The following HNRNPM variants were observed in gnomAD, a reference collection of about 807,000 sequenced individuals.
HNRNPM encodes the protein CEA receptor.
A neutral mutation model predicts 73.1 loss-of-function variants in HNRNPM; 11 were observed. That is an observed-to-expected ratio of 0.15 (90% CI 0.09 to 0.25). HNRNPM has a LOEUF of 0.25. HNRNPM is among the 10% of genes least tolerant of loss of function. The pLI, the probability that HNRNPM is intolerant of heterozygous loss-of-function variation, is 1.00. For synonymous variants in HNRNPM, 407 were observed against 355.2 expected, an observed-to-expected ratio of 1.15 and a Z score of -1.64; for missense variants, 789 against 1,067.9, an observed-to-expected ratio of 0.74 and a Z score of 3.64.
chr19:8,485,560 T>A (rs1971216447), intron 13 of HNRNPM, 43 bp from the exon 14 acceptor site: 3 of 1,568,368 alleles, frequency 1.9e-6, no homozygotes, highest in Non-Finnish European at 2.6e-6. Flanking sequence ...ACACGCACAC[T>A]CAAGTTCTTG....
chr19:8,482,826 C>T, intron 12 of HNRNPM: 1 of 201,848 alleles, frequency 5.0e-6, no homozygotes, highest in South Asian at 9.0e-5. Flanking sequence ...TAGAAAACTG[C>T]CGCTGAGCGA....
chr19:8,467,982 G>A (rs144348743), intron 8 of HNRNPM, among the ~76,000 whole-genome samples: 1,687 of 152,168 alleles, frequency 0.011, 36 homozygotes, highest in African/African-American at 0.038. Flanking sequence ...AGCCGAGATC[G>A]TGCCACTGCA....
intron 1 of HNRNPM, among the ~76,000 whole-genome samples, chr19:8,452,986 G>A (rs910829405): frequency 5.3e-5 from 8 of 151,774 alleles, no homozygotes; most frequent in Non-Finnish European, 1.0e-4. Flanking sequence ...GACTACAGGT[G>A]CACAACACCA....
intron 9 of HNRNPM, among the ~76,000 whole-genome samples, 191 bp from the exon 10 acceptor site, chr19:8,471,135 C>T (rs1013200810): frequency 6.6e-6 from 1 of 151,848 alleles, no homozygotes; most frequent in Non-Finnish European, 1.5e-5. Context: ...ACACACATAT[C>T]CCAAACGCCG....
At position 8,485,745 on chromosome 19, in the gene HNRNPM, G is replaced by T; in HGVS notation, c.1317G>T (p.Leu439=). ...RVGSEIERMG[L]VMDRMGSVER... is the part of the protein sequence containing the mutation. ...GCTCCGAGATCGAGCGCATGGGCCT[G>T]GTCATGGACCGCATGGGCTCCGTGG... Residue 439 remains leucine, a synonymous_variant, in exon 14 of 16, where the codon CTG becomes CTT. Transcript: ENST00000325495. The T allele has an allele frequency of 6.2e-7, 1 of 1,605,298 alleles. No homozygotes were observed.
chr19:8,446,869 A>G (rs1218087085), intron 1 of HNRNPM, among the ~76,000 whole-genome samples: 1 of 152,152 alleles, frequency 6.6e-6, no homozygotes, highest in African/African-American at 2.4e-5. Context: ...CCAGCATTTT[A>G]CTATTGAAAA....
At chr19:8,455,219 G>C (rs1485958562) in intron 1 of HNRNPM, among the ~76,000 whole-genome samples, 186 bp from the exon 2 acceptor site, 4 of 152,070 alleles carry the variant, frequency 2.6e-5, no homozygotes, top group Admixed American at 2.6e-4. Flanking sequence ...GGCCTCAAAT[G>C]ATCCCCCCTT....
At chr19:8,449,541 T>TAAAGCTGTAAGCGTGTAGGTAGTAGCC (rs1389636106) in intron 1 of HNRNPM, among the ~76,000 whole-genome samples, 1 of 99,534 alleles carries the variant, frequency 1.0e-5, no homozygotes, top group African/African-American at 3.2e-5. Context: ...GAGTCTCTTT[T>TAAAGCTGTAAGCGTGTAGGTAGTAGCC]TTTTTTTTTT....
At position 8,483,152 on chromosome 19, in the gene HNRNPM, C is replaced by T. The variant is rs1323695835; in HGVS notation, c.1121-6C>T. 4 of 1,602,876 alleles carry T rather than the reference C, an allele frequency of 2.5e-6. No individual in the cohort carries two copies. Among genetic ancestry groups the T allele is most frequent in the Admixed American group, 1.7e-5 (1 of 58,420 alleles). On this transcript the variant is annotated splice_polypyrimidine_tract_variant and splice_region_variant and intron_variant, in intron 12 of 15. Coordinates refer to ENST00000325495, the MANE Select transcript of HNRNPM (RefSeq NM_005968.5). ...GCTAATTTTTTTTTCTTCCTGATTT[C>T]CTTAGAAATCCTAAGTAATGCACTG...
chr19:8,477,132 C>T (rs919678359), intron 12 of HNRNPM, among the ~76,000 whole-genome samples: 4 of 152,118 alleles, frequency 2.6e-5, no homozygotes, highest in African/African-American at 9.7e-5. Flanking sequence ...TCTTACCTGA[C>T]ATTTCTAAGG....
chr19:8,449,478 T>C (rs1028790017), intron 1 of HNRNPM, among the ~76,000 whole-genome samples: 1 of 152,212 alleles, frequency 6.6e-6, no homozygotes, highest in Non-Finnish European at 1.5e-5. Context: ...CTCTCTACCC[T>C]TCTCAATAAA....
At position 8,483,332 on chromosome 19, in the gene HNRNPM, C is replaced by T. The variant is rs1018564778; in HGVS notation, c.1174+121C>T. On this transcript the variant is annotated intron_variant, in intron 13 of 15. Coordinates refer to ENST00000325495, the MANE Select transcript of HNRNPM (RefSeq NM_005968.5). ...CAGACTGCCCGGGGTGGGAGCAGCT[C>T]TGCCTTTTTCTAGCTGTGTGACGTT... 6.8e-6 allele frequency: 5 copies of T among 731,342 alleles called. No individual in the cohort carries two copies. In the Admixed American group the frequency reaches 1.0e-4, roughly 15 times the overall value. The allele number at this position is 731,342 out of a possible 1,614,324, so 45.3% of individuals were successfully genotyped here.
At chr19:8,445,342 C>T (rs1224702711) in intron 1 of HNRNPM, 4 of 387,360 alleles carry the variant, frequency 1.0e-5, no homozygotes, top group Non-Finnish European at 1.8e-5. Context: ...TCAGTCCCTC[C>T]AGGCCGGGGC....
At chr19:8,450,842 C>A (rs1968564972) in intron 1 of HNRNPM, among the ~76,000 whole-genome samples, 1 of 151,454 alleles carries the variant, frequency 6.6e-6, no homozygotes, top group African/African-American at 2.4e-5. Context: ...CCTGCCTCAG[C>A]CTCCCAAGTA....
rs1251403991 is a variant in HNRNPM, at chr19:8,485,856, G to A, written c.1428G>A (p.Met476Ile). 1 of 1,603,902 alleles carries A rather than the reference G, an allele frequency of 6.2e-7. No individual in the cohort carries two copies. The highest frequency in any genetic ancestry group is 8.5e-7 in the Non-Finnish European group (1 of 1,179,652). The change falls in exon 14 of 16, where the codon ATG becomes ATA. Residue 476 changes from methionine (M) to isoleucine (I), a missense_variant. By Grantham distance (10) the Met-to-Ile change is conservative. Coordinates refer to ENST00000325495, the MANE Select transcript of HNRNPM (RefSeq NM_005968.5). ...ASSIERMGQTMERIGSGVERM... is the reference protein window; with the variant it reads ...ASSIERMGQTIERIGSGVERM... ...GCATTGAGCGCATGGGCCAGACCATGGAGCGCATTGGCTCTGGCGTGGAGC... is the reference window on the plus strand; with the variant it reads ...GCATTGAGCGCATGGGCCAGACCATAGAGCGCATTGGCTCTGGCGTGGAGC...
chr19:8,466,001 G>T (rs906141128), intron 6 of HNRNPM, among the ~76,000 whole-genome samples: 1 of 152,068 alleles, frequency 6.6e-6, no homozygotes, highest in Non-Finnish European at 1.5e-5. Flanking sequence ...GAAGTATGAG[G>T]TGACTTAAGT....
At chr19:8,449,904 T>C (rs1390719732) in intron 1 of HNRNPM, among the ~76,000 whole-genome samples, 1 of 152,212 alleles carries the variant, frequency 6.6e-6, no homozygotes, top group Non-Finnish European at 1.5e-5. Context: ...AGTGACGACA[T>C]GGTGACCCCA....
intron 13 of HNRNPM, among the ~76,000 whole-genome samples, chr19:8,484,576 T>G (rs7250951): frequency 2.0e-5 from 3 of 152,174 alleles, no homozygotes; most frequent in African/African-American, 7.2e-5. Flanking sequence ...AGTCACACAT[T>G]CTTAGAGTCG....
chr19:8,485,590 G>T lies in HNRNPM; in HGVS notation c.1175-13G>T. On this transcript the variant is annotated splice_polypyrimidine_tract_variant and intron_variant, in intron 13 of 15. Transcript: ENST00000325495. ...TTCTTGACACCCACCTGTGTTTTGT[G>T]TCCCTGTTTCAGGTGGAGGTGGAGG... 6.3e-7 allele frequency: 1 copy of T among 1,593,248 alleles called. No homozygotes were observed.
Sources: allele counts gnomAD v4.1 joint callset (sites outside exome capture counted in the v4.1 genomes callset), GRCh38; gene constraint gnomAD v4.1.1; transcripts MANE v1.5; gene names NCBI Gene and HGNC (gene_info 2026-07-23, HGNC 2026-07-21).